DRC11: variants seen among roughly 807,000 people sequenced by gnomAD.
The protein encoded by DRC11 is dynein regulatory complex subunit 11, also known as IQ and AAA domain-containing protein 1.
chr2:236,362,277 A>G, the DRC11 span, among the ~76,000 whole-genome samples: 1 of 152,202 alleles, frequency 6.6e-6, no homozygotes, highest in African/African-American at 2.4e-5. The surrounding 1 kb of genome is among the most constrained non-coding windows in gnomAD (Gnocchi z 5.7). Context: ...CCCTTAAACA[A>G]CACTCATTTG....
At chr2:236,491,213 C>CACACAGTATATATATATATATATATATAT in the DRC11 span, among the ~76,000 whole-genome samples, 63 of 32,778 alleles carry the variant, frequency 1.9e-3, no homozygotes, top group Non-Finnish European at 3.3e-3. Flanking sequence ...TATATATATA[C>CACACAGTATATATATATATATATATATAT]ACACAGTATA....
chr2:236,488,285 T>C, the DRC11 span: 1 of 904,800 alleles, frequency 1.1e-6, no homozygotes, highest in Non-Finnish European at 1.6e-6. Context: ...AACACAATCC[T>C]GCTAAGGGTC....
At chr2:236,421,158 G>C in the DRC11 span, among the ~76,000 whole-genome samples, 1 of 152,140 alleles carries the variant, frequency 6.6e-6, no homozygotes, top group Admixed American at 6.6e-5. Flanking sequence ...AACTAGAGAA[G>C]CAAGAGCAAA....
the DRC11 span, among the ~76,000 whole-genome samples, chr2:236,354,939 C>T: frequency 4.6e-5 from 7 of 152,332 alleles, no homozygotes; most frequent in Admixed American, 6.5e-5. Flanking sequence ...CAGCCTCTGA[C>T]ACAGCTGGAC....
chr2:236,336,375 A>G, the DRC11 span, among the ~76,000 whole-genome samples: 1 of 152,028 alleles, frequency 6.6e-6, no homozygotes, highest in African/African-American at 2.4e-5. The surrounding 1 kb of genome is among the most constrained non-coding windows in gnomAD (Gnocchi z 7.3). Flanking sequence ...AACAGAAACC[A>G]AGTCTGACCT....
At chr2:236,507,235 T>G in the DRC11 span, 6 of 1,613,756 alleles carry the variant, frequency 3.7e-6, no homozygotes, top group Non-Finnish European at 4.2e-6. Flanking sequence ...TCCATGGCTG[T>G]GGCTGGGAGC....
At chr2:236,419,825 T>C in the DRC11 span, among the ~76,000 whole-genome samples, 1 of 152,340 alleles carries the variant, frequency 6.6e-6, no homozygotes, top group South Asian at 2.1e-4. This position sits in a 1 kb window ranked among gnomAD's most constrained non-coding sequence, Gnocchi z 4.8. Flanking sequence ...CCAGTTCACA[T>C]AGGATTAGCA....
At chr2:236,485,515 C>T in the DRC11 span, among the ~76,000 whole-genome samples, 2 of 152,152 alleles carry the variant, frequency 1.3e-5, no homozygotes, top group African/African-American at 4.8e-5. Flanking sequence ...CCCCAAAGGG[C>T]TTTGTTTCTT....
chr2:236,482,591 C>T, the DRC11 span, among the ~76,000 whole-genome samples: 300 of 152,246 alleles, frequency 2.0e-3, 1 homozygote, highest in African/African-American at 6.5e-3. The surrounding 1 kb of genome is among the most constrained non-coding windows in gnomAD (Gnocchi z 4.5). Flanking sequence ...ACACCACTTA[C>T]CCCATTTCAC....
the DRC11 span, among the ~76,000 whole-genome samples, chr2:236,396,012 T>C: frequency 6.6e-6 from 1 of 152,188 alleles, no homozygotes; most frequent in Non-Finnish European, 1.5e-5. Flanking sequence ...GTTGCAATTA[T>C]ATTTAAAATA....
the DRC11 span, among the ~76,000 whole-genome samples, chr2:236,353,825 G>A: frequency 1.9e-3 from 282 of 151,876 alleles, 5 homozygotes; most frequent in East Asian, 0.05. The surrounding 1 kb of genome is among the most constrained non-coding windows in gnomAD (Gnocchi z 5.0). Context: ...GTGCAGGGGC[G>A]TAAGGCTTAT....
At chr2:236,441,653 T>A in the DRC11 span, among the ~76,000 whole-genome samples, 1 of 152,176 alleles carries the variant, frequency 6.6e-6, no homozygotes, top group Non-Finnish European at 1.5e-5. Context: ...ACTTTGAAAT[T>A]TAATGTTGAG....
At chr2:236,457,700 G>A in the DRC11 span, among the ~76,000 whole-genome samples, 712 of 152,276 alleles carry the variant, frequency 4.7e-3, 12 homozygotes, top group East Asian at 0.066. The surrounding 1 kb of genome is among the most constrained non-coding windows in gnomAD (Gnocchi z 4.7). Flanking sequence ...GAGATTAGAC[G>A]CACATAGAAG....
At chr2:236,432,801 A>C in the DRC11 span, among the ~76,000 whole-genome samples, 1 of 151,628 alleles carries the variant, frequency 6.6e-6, no homozygotes, top group Non-Finnish European at 1.5e-5. Context: ...TTCTGCTATG[A>C]TTTCTGGGTT....
the DRC11 span, among the ~76,000 whole-genome samples, chr2:236,358,774 C>T: frequency 6.7e-6 from 1 of 149,240 alleles, no homozygotes; most frequent in Non-Finnish European, 1.5e-5. Flanking sequence ...TGAATGTCAA[C>T]AAAAATGCAA....
chr2:236,493,330 A>G, the DRC11 span, among the ~76,000 whole-genome samples: 100 of 152,354 alleles, frequency 6.6e-4, no homozygotes, highest in African/African-American at 2.2e-3. Flanking sequence ...GTGGGGACAT[A>G]GTCAAACCAT....
At chr2:236,368,284 C>G in the DRC11 span, 1 of 1,599,666 alleles carries the variant, frequency 6.3e-7, no homozygotes, top group South Asian at 1.1e-5. Context: ...AGAGTAGTCC[C>G]CAGGTAGCTG....
At chr2:236,389,397 A>C in the DRC11 span, among the ~76,000 whole-genome samples, 1 of 152,178 alleles carries the variant, frequency 6.6e-6, no homozygotes, top group Non-Finnish European at 1.5e-5. Flanking sequence ...GGAAAAGCGC[A>C]GTATTCGGGT....
At chr2:236,506,648 G>A in the DRC11 span, among the ~76,000 whole-genome samples, 10,427 of 152,208 alleles carry the variant, frequency 0.069, 859 homozygotes, top group African/African-American at 0.19. This position sits in a 1 kb window ranked among gnomAD's most constrained non-coding sequence, Gnocchi z 4.9. Flanking sequence ...CAGCCCCTAC[G>A]TTACAGGGTT....
Sources: gnomAD v4.1 joint callset for allele counts (sites outside exome capture counted in the v4.1 genomes callset) on GRCh38, gnomAD v4.1.1 for gene constraint, Gnocchi (gnomAD v3.1) non-coding constraint, MANE v1.5 for transcripts, NCBI Gene and HGNC (gene_info 2026-07-23, HGNC 2026-07-21) for gene names.